ZMAT5: variants seen among roughly 807,000 people sequenced by gnomAD.
ZMAT5 encodes zinc finger matrin-type protein 5.
Under a neutral mutation model 28.0 loss-of-function variants are expected in ZMAT5, and 23 were observed. The ratio of observed to expected loss-of-function variants is 0.82; its 90% CI spans 0.59 to 1.16. The LOEUF is 1.16. Ranked by LOEUF, ZMAT5 falls within the 50% of genes most tolerant of loss-of-function variation. ZMAT5 has a pLI of 0.00. For missense variants in ZMAT5, 173 were observed against 212.7 expected (o/e 0.81, Z 1.16); for synonymous variants, 76 against 84.1 (o/e 0.90, Z 0.52).
chr22:29,755,368 G>GGAGA lies in ZMAT5; in HGVS notation c.-27-6801_-27-6798dup, dbSNP rs11474564. Among the ~76,000 whole-genome samples the GGAGA allele has an allele frequency of 1.5e-3, 89 of 59,298 alleles. 5 individuals are homozygous for GGAGA. Among genetic ancestry groups the GGAGA allele is most frequent in the African/African-American group, 7.9e-3 (84 of 10,612 alleles). The allele number at this position is 59,298 out of a possible 152,430, so 38.9% of individuals were successfully genotyped here. A position where few individuals can be genotyped will look rare whatever the true frequency, so the allele number is the denominator to read the frequency against. On this transcript the variant is annotated intron_variant, in intron 1 of 5. Coordinates refer to ENST00000344318, the MANE Select transcript of ZMAT5 (RefSeq NM_001003692.2). ...GAGGGAGGGAGGGAGGGAGGGAGGG[G>GGAGA]GAGAGAGAGAGAGAGAAAGAAAGAA... is the stretch of plus-strand genomic sequence containing the variant.
At chr22:29,762,300 A>G (rs2068164513) in intron 1 of ZMAT5, among the ~76,000 whole-genome samples, 1 of 152,242 alleles carries the variant, frequency 6.6e-6, no homozygotes, top group Non-Finnish European at 1.5e-5. Flanking sequence ...TGTATTGAAT[A>G]ATAATTTCTA....
intron 4 of ZMAT5, 133 bp from the exon 5 acceptor site, chr22:29,738,574 G>T: frequency 1.4e-6 from 1 of 693,468 alleles, no homozygotes; most frequent in Non-Finnish European, 2.4e-6. Context: ...CCAGGAGGAT[G>T]CACCTGGACT....
At chr22:29,732,912 C>T (rs765820990) in intron 5 of ZMAT5, among the ~76,000 whole-genome samples, 21 of 152,126 alleles carry the variant, frequency 1.4e-4, no homozygotes, top group Non-Finnish European at 2.4e-4. Flanking sequence ...TACCCCAAGG[C>T]GCAGGGCCAG....
At position 29,748,090 on chromosome 22, in the gene ZMAT5, C is replaced by T. The variant is rs377248910; in HGVS notation, c.127+328G>A. ...CACCCTCTCCCTCCTGCTCCGAGAG[C>T]CCTGGTGCTGGACTCAGGGCTGCCT... On this transcript the variant is annotated intron_variant, in intron 2 of 5. Transcript: ENST00000344318. The T allele has an allele frequency of 1.4e-3, 532 of 379,720 alleles. 2 individuals carry two copies. The highest frequency in any genetic ancestry group is 0.01 in the African/African-American group (502 of 47,938). The allele number at this position is 379,720 out of a possible 1,614,324, so 23.5% of individuals were successfully genotyped here.
intron 1 of ZMAT5, among the ~76,000 whole-genome samples, chr22:29,762,860 G>A (rs2068170860): frequency 6.6e-6 from 1 of 152,144 alleles, no homozygotes; most frequent in South Asian, 2.1e-4. Context: ...GGGACTGCTA[G>A]TTTAAGGGAA....
intron 2 of ZMAT5, chr22:29,746,085 A>T (rs1224764211): frequency 6.6e-6 from 1 of 151,850 alleles, no homozygotes; most frequent in African/African-American, 2.4e-5. Flanking sequence ...TGATCCTCCT[A>T]CCTCAGCCTC....
At chr22:29,750,656 C>T (rs2068047984) in intron 1 of ZMAT5, among the ~76,000 whole-genome samples, 1 of 152,212 alleles carries the variant, frequency 6.6e-6, no homozygotes, top group Non-Finnish European at 1.5e-5. Flanking sequence ...TCAGACCCCT[C>T]ACTTCACAGA....
At chr22:29,748,604 T>G in intron 1 of ZMAT5, 33 bp from the exon 2 acceptor site, 1 of 1,609,350 alleles carries the variant, frequency 6.2e-7, no homozygotes, top group South Asian at 1.1e-5. Context: ...GATTAGACCA[T>G]TGGAGAAAAC....
chr22:29,737,222 G>T (rs1456987458), intron 5 of ZMAT5, among the ~76,000 whole-genome samples: 2 of 151,200 alleles, frequency 1.3e-5, no homozygotes, highest in African/African-American at 4.9e-5. Context: ...CCAGCTACTT[G>T]GGAAGCTGAG....
chr22:29,737,799 C>T (rs112758368), intron 5 of ZMAT5, among the ~76,000 whole-genome samples: 6,894 of 152,130 alleles, frequency 0.045, 199 homozygotes, highest in Middle Eastern at 0.095. Context: ...CCAAGGACCC[C>T]GATCCAGCAG....
intron 5 of ZMAT5, 148 bp from the exon 6 acceptor site, chr22:29,731,502 C>A: frequency 9.0e-7 from 1 of 1,110,108 alleles, no homozygotes; most frequent in Non-Finnish European, 1.2e-6. Flanking sequence ...CGAAAATAGG[C>A]AGACCGTTTG....
Position 29,766,962 on chromosome 22 carries a change from G to A in ZMAT5, c.-118C>T, listed in dbSNP as rs575802940. 6.4e-6 allele frequency: 1 copy of A among 157,268 alleles called. No individual in the cohort carries two copies. The highest frequency in any genetic ancestry group is 1.9e-4 in the East Asian group (1 of 5,398). 9.7% of individuals were successfully genotyped at this position (157,268 alleles called of 1,614,324 possible). A position where few individuals can be genotyped will look rare whatever the true frequency, so the allele number is the denominator to read the frequency against. ...CGCGGAAGGTACCTGGCTCCCCGGT[G>A]GCTGCAGCTCCGGGCTCCTCCTCCT... On this transcript the variant is annotated 5_prime_UTR_variant, in exon 1 of 6. Coordinates refer to ENST00000344318, the MANE Select transcript of ZMAT5 (RefSeq NM_001003692.2).
intron 1 of ZMAT5, among the ~76,000 whole-genome samples, chr22:29,753,907 C>T (rs131270): frequency 0.42 from 63,851 of 151,680 alleles, 14,000 homozygotes; most frequent in East Asian, 0.6. Context: ...AAATGCCTCC[C>T]GCTCTGATGC....
At chr22:29,745,985 T>C (rs531778866) in intron 2 of ZMAT5, among the ~76,000 whole-genome samples, 1 of 152,160 alleles carries the variant, frequency 6.6e-6, no homozygotes, top group Non-Finnish European at 1.5e-5. Flanking sequence ...TTATTTATTT[T>C]TTTTTGAGAC....
chr22:29,753,382 G>A (rs191041946), intron 1 of ZMAT5, among the ~76,000 whole-genome samples: 131 of 152,296 alleles, frequency 8.6e-4, no homozygotes, highest in African/African-American at 3.0e-3. Flanking sequence ...AAAATTAGCT[G>A]GGCATAGTGG....
rs370037795 is a variant in ZMAT5, at chr22:29,738,130, G to C, written c.383+200C>G. Among the ~76,000 whole-genome samples the C allele has an allele frequency of 1.5e-4, 23 of 152,250 alleles. No individual in the cohort carries two copies. The South Asian group carries it at 4.6e-3, about 30-fold the overall frequency. ...GACTCCAACAGGGGCCCAGCTTTGG[G>C]AGAGGCTCTTTCAAACACCCCTCAG... On this transcript the variant is annotated intron_variant, in intron 5 of 5. Coordinates refer to ENST00000344318, the MANE Select transcript of ZMAT5 (RefSeq NM_001003692.2).
rs184965576 is a variant in ZMAT5, at chr22:29,735,516, C to T, written c.383+2814G>A. ...GGGCAGCCTGCTGCTGCCACTGCCA[C>T]TACCCACAGCCACACAGAGCCTTGG... is the stretch of plus-strand genomic sequence containing the variant. On this transcript the variant is annotated intron_variant, in intron 5 of 5. Transcript: ENST00000344318. Among the ~76,000 whole-genome samples, 571 of 152,364 alleles carry T rather than the reference C, an allele frequency of 3.7e-3. 1 individual carries two copies. The highest frequency in any genetic ancestry group is 0.013 in the African/African-American group (541 of 41,592).
chr22:29,731,630 T>G, intron 5 of ZMAT5: 1 of 410,486 alleles, frequency 2.4e-6, no homozygotes, highest in Non-Finnish European at 4.3e-6. Context: ...ACTGATTCAA[T>G]ACATATGCAC....
chr22:29,759,413 C>G lies in ZMAT5; in HGVS notation c.-28+7459G>C, dbSNP rs113900591. On this transcript the variant is annotated intron_variant, in intron 1 of 5. Transcript: ENST00000344318. ...CACTGTATCATAAGCAGCATCAGAT[C>G]AACTCTCCTTAAATCATCCCTGCTC... Among the ~76,000 whole-genome samples the G allele has an allele frequency of 5.9e-3, 897 of 152,218 alleles. 4 individuals are homozygous for G. Among genetic ancestry groups the G allele is most frequent in the African/African-American group, 0.018 (758 of 41,536 alleles).
Sources: gnomAD v4.1 joint callset for allele counts (sites outside exome capture counted in the v4.1 genomes callset) on GRCh38, gnomAD v4.1.1 for gene constraint, MANE v1.5 for transcripts, NCBI Gene and HGNC (gene_info 2026-07-23, HGNC 2026-07-21) for gene names.